Variants in PCDH7 observed in about 807,000 individuals in gnomAD.
PCDH7 encodes protocadherin-7.
In PCDH7, 17 loss-of-function variants were observed where a neutral mutation model predicts 58.9. The observed-to-expected ratio is 0.29, with a 90% CI of 0.20 to 0.43. The LOEUF is 0.43. Among genes scored for constraint, PCDH7 ranks in the 20% least tolerant of loss-of-function variants. The pLI is 1.00. For missense variants in PCDH7, 1,274 were observed against 1,441.0 expected (o/e 0.88, Z 1.88); for synonymous variants, 664 against 616.4 (o/e 1.08, Z -1.14).
intron 1 of PCDH7, chr4:30,730,673 C>A: frequency 9.8e-7 from 1 of 1,017,422 alleles, no homozygotes; most frequent in Non-Finnish European, 1.5e-6. Flanking sequence ...TAAAGCTTTC[C>A]AATTGGGCAT....
intron 1 of PCDH7, among the ~76,000 whole-genome samples, chr4:30,771,107 C>A (rs1721344593): frequency 6.6e-6 from 1 of 152,266 alleles, no homozygotes; most frequent in Non-Finnish European, 1.5e-5. Context: ...GTGTTCTAAA[C>A]AGGAAATAAG....
intron 3 of PCDH7, among the ~76,000 whole-genome samples, chr4:30,982,698 T>C (rs6847898): frequency 0.22 from 33,097 of 152,094 alleles, 3,742 homozygotes; most frequent in African/African-American, 0.27. Context: ...TGTCAGACTT[T>C]TGTTGATTTT....
At chr4:31,088,702 G>C (rs1398183832) in intron 3 of PCDH7, among the ~76,000 whole-genome samples, 1 of 151,942 alleles carries the variant, frequency 6.6e-6, no homozygotes, top group Non-Finnish European at 1.5e-5. Flanking sequence ...TTAAAAGAGT[G>C]TATTTGTTTT....
chr4:30,827,846 G>A (rs907631113), intron 1 of PCDH7, among the ~76,000 whole-genome samples: 14 of 152,134 alleles, frequency 9.2e-5, no homozygotes, highest in Non-Finnish European at 2.1e-4. Flanking sequence ...GGATCAAGTT[G>A]TTGAAGGAGC....
chr4:31,109,196 A>G (rs1309999450), intron 3 of PCDH7, among the ~76,000 whole-genome samples: 2 of 152,202 alleles, frequency 1.3e-5, no homozygotes, highest in Non-Finnish European at 2.9e-5. Context: ...AAAAGGTAGG[A>G]AAACAGACTC....
At chr4:31,014,347 AAAAGTC>A (rs1326895873) in intron 3 of PCDH7, among the ~76,000 whole-genome samples, 4 of 152,228 alleles carry the variant, frequency 2.6e-5, no homozygotes, top group African/African-American at 4.8e-5. Context: ...AAGTTACCTG[AAAAGTC>A]TTATACCCAT....
At chr4:30,729,963 A>G (rs929844076) in intron 1 of PCDH7, among the ~76,000 whole-genome samples, 2 of 151,982 alleles carry the variant, frequency 1.3e-5, no homozygotes, top group Non-Finnish European at 2.9e-5. Context: ...TTTAAAAATA[A>G]AATCTGAACT....
chr4:31,036,644 TTTGA>T (rs1755437007), intron 3 of PCDH7, among the ~76,000 whole-genome samples: 1 of 152,220 alleles, frequency 6.6e-6, no homozygotes, highest in South Asian at 2.1e-4. Flanking sequence ...ATCGAAAATG[TTTGA>T]TTATTTATTG....
chr4:30,968,376 C>G (rs1241365658), intron 3 of PCDH7, among the ~76,000 whole-genome samples: 43 of 67,004 alleles, frequency 6.4e-4, no homozygotes, highest in African/African-American at 2.9e-3. Context: ...TATACACACA[C>G]TATATATATA....
At chr4:30,834,622 G>A (rs753113971) in intron 1 of PCDH7, among the ~76,000 whole-genome samples, 3 of 151,180 alleles carry the variant, frequency 2.0e-5, no homozygotes, top group Non-Finnish European at 4.4e-5. Flanking sequence ...ATGGTCTTTG[G>A]TAAAAATGTT....
At chr4:31,135,176 TG>T (rs1434538829) in intron 3 of PCDH7, among the ~76,000 whole-genome samples, 1 of 152,210 alleles carries the variant, frequency 6.6e-6, no homozygotes, top group Non-Finnish European at 1.5e-5. Context: ...CTTAAAATAA[TG>T]TATTGCTAAT....
At chr4:30,900,638 T>C (rs1267765404) in intron 1 of PCDH7, among the ~76,000 whole-genome samples, 1 of 152,174 alleles carries the variant, frequency 6.6e-6, no homozygotes, top group Non-Finnish European at 1.5e-5. Context: ...TAATTTGTCC[T>C]AGATGGTTCT....
At chr4:31,083,703 T>C (rs1165059932) in intron 3 of PCDH7, among the ~76,000 whole-genome samples, 16 of 152,196 alleles carry the variant, frequency 1.1e-4, no homozygotes, top group Admixed American at 1.0e-3. Flanking sequence ...GTCTTCAATA[T>C]GCTCGTTTCT....
intron 1 of PCDH7, among the ~76,000 whole-genome samples, chr4:30,751,070 C>G (rs1000258211): frequency 6.6e-6 from 1 of 152,138 alleles, no homozygotes; most frequent in Non-Finnish European, 1.5e-5. Flanking sequence ...ATTTCAAAGA[C>G]TTTTTGTGGC....
intron 2 of PCDH7, among the ~76,000 whole-genome samples, chr4:30,932,945 G>A (rs1226040274): frequency 6.6e-6 from 1 of 152,112 alleles, no homozygotes; most frequent in Non-Finnish European, 1.5e-5. Context: ...TTTCTTTAAG[G>A]AGAGCCAAGG....
chr4:31,120,441 C>CT (rs138878762), intron 3 of PCDH7, among the ~76,000 whole-genome samples: 2,090 of 107,940 alleles, frequency 0.019, 30 homozygotes, highest in Non-Finnish European at 0.029. Context: ...CTATTTTTTT[C>CT]TTTTTTTTTT....
intron 1 of PCDH7, among the ~76,000 whole-genome samples, chr4:30,837,960 A>T (rs929025357): frequency 2.0e-5 from 3 of 150,436 alleles, no homozygotes; most frequent in African/African-American, 7.3e-5. Context: ...TATGAGACCA[A>T]TTCTGTTCCA....
intron 1 of PCDH7, among the ~76,000 whole-genome samples, chr4:30,821,343 A>G (rs6448725): frequency 0.99 from 150,892 of 152,370 alleles, 74,719 homozygotes; most frequent in East Asian, 1. Context: ...GAACTTAGAG[A>G]CTTCCAGAAG....
chr4:30,752,208 A>T (rs1329264254), intron 1 of PCDH7, among the ~76,000 whole-genome samples: 1 of 151,512 alleles, frequency 6.6e-6, no homozygotes, highest in Non-Finnish European at 1.5e-5. Flanking sequence ...ATCCCGGCTC[A>T]CTGCAACTTC....
Sources: allele counts gnomAD v4.1 joint callset (sites outside exome capture counted in the v4.1 genomes callset), GRCh38; gene constraint gnomAD v4.1.1; transcripts MANE v1.5; gene names NCBI Gene and HGNC (gene_info 2026-07-23, HGNC 2026-07-21).